HSD17B6: variants seen among roughly 807,000 people sequenced by gnomAD.
HSD17B6 encodes the protein hydroxysteroid 17-beta dehydrogenase 6, also known as 17-beta-hydroxysteroid dehydrogenase type 6.
Under a neutral mutation model 26.4 loss-of-function variants are expected in HSD17B6, and 16 were observed. That is an observed-to-expected ratio of 0.61 (90% CI 0.41 to 0.92). HSD17B6 has a LOEUF of 0.92. Among genes scored for constraint, HSD17B6 ranks in the 40% least tolerant of loss-of-function variants. The probability of loss-of-function intolerance (pLI) is 0.00; values close to 1 mark genes in which losing one functional copy is unlikely to be tolerated. For synonymous variants in HSD17B6, 139 were observed against 153.0 expected, an observed-to-expected ratio of 0.91 and a Z score of 0.68; for missense variants, 357 against 386.1, an observed-to-expected ratio of 0.92 and a Z score of 0.63.
chr12:56,774,987 A>G (rs913792437), intron 2 of HSD17B6, among the ~76,000 whole-genome samples: 2 of 152,238 alleles, frequency 1.3e-5, no homozygotes, highest in African/African-American at 4.8e-5. Context: ...ATGACAAGGA[A>G]AAAAGTCTGT....
At chr12:56,773,232 G>T (rs566857828) in intron 1 of HSD17B6, among the ~76,000 whole-genome samples, 3 of 152,134 alleles carry the variant, frequency 2.0e-5, no homozygotes, top group Non-Finnish European at 4.4e-5. Flanking sequence ...CACTGCCATT[G>T]TGAGACAAAT....
intron 1 of HSD17B6, among the ~76,000 whole-genome samples, chr12:56,769,126 A>G (rs1954413126): frequency 2.2e-5 from 3 of 136,204 alleles, no homozygotes; most frequent in Admixed American, 7.9e-5. Context: ...TTTTTGAGGC[A>G]GAGTCTCACT....
chr12:56,778,327 A>C (rs1203351827), intron 2 of HSD17B6, among the ~76,000 whole-genome samples: 1 of 151,828 alleles, frequency 6.6e-6, no homozygotes. Context: ...TTGCTGTGTC[A>C]CCCAGGCTGG....
rs61937779 is a variant in HSD17B6, at chr12:56,778,614, C to G, written c.314-3360C>G. 6.3e-3 allele frequency among the ~76,000 whole-genome samples: 948 copies of G among 150,990 alleles called. 8 individuals carry two copies. Among genetic ancestry groups the G allele is most frequent in the Middle Eastern group, 0.014 (4 of 286 alleles). ...TTCTACTTTTCTTTCTAGTCCTTCT[C>G]TCAGTTTATAATGTTACTATCCCTT... On this transcript the variant is annotated intron_variant, in intron 2 of 4. Transcript: ENST00000322165.
At chr12:56,781,845 G>A in intron 2 of HSD17B6, 129 bp from the exon 3 acceptor site, 5 of 918,914 alleles carry the variant, frequency 5.4e-6, no homozygotes, top group Non-Finnish European at 8.4e-6. Flanking sequence ...TATATCATTT[G>A]GGCTGCAAAC....
chr12:56,772,703 AAAAAAAAAAAG>A (rs1954504282), intron 1 of HSD17B6, among the ~76,000 whole-genome samples: 1 of 122,692 alleles, frequency 8.2e-6, no homozygotes, highest in African/African-American at 3.9e-5. Context: ...GTCTCAAAAA[AAAAAAAAAAAG>A]AAAAAAAAAA....
intron 1 of HSD17B6, among the ~76,000 whole-genome samples, chr12:56,771,125 C>T (rs1954461709): frequency 6.6e-6 from 1 of 152,180 alleles, no homozygotes; most frequent in Admixed American, 6.6e-5. Context: ...AGTCTTTGCT[C>T]AGGCTCATGG....
intron 1 of HSD17B6, among the ~76,000 whole-genome samples, chr12:56,769,391 C>T (rs1437883604): frequency 1.3e-5 from 2 of 152,082 alleles, no homozygotes; most frequent in African/African-American, 2.4e-5. Flanking sequence ...CGTGAGCCAC[C>T]GTGCCTGGCC....
chr12:56,773,416 C>T (rs553049984), intron 1 of HSD17B6, among the ~76,000 whole-genome samples: 2 of 152,352 alleles, frequency 1.3e-5, no homozygotes, highest in East Asian at 3.9e-4. Flanking sequence ...GTATGTTCTG[C>T]TCTGCACTCA....
At chr12:56,775,713 A>C (rs1244980265) in intron 2 of HSD17B6, among the ~76,000 whole-genome samples, 1 of 152,060 alleles carries the variant, frequency 6.6e-6, no homozygotes, top group Non-Finnish European at 1.5e-5. Flanking sequence ...ACTAAAGTCC[A>C]TAGTTTACAT....
intron 1 of HSD17B6, among the ~76,000 whole-genome samples, chr12:56,768,080 C>A (rs138156836): frequency 4.1e-4 from 62 of 151,984 alleles, no homozygotes; most frequent in African/African-American, 9.9e-4. Context: ...CTGACTTTAT[C>A]CTGTGGGTGA....
chr12:56,782,714 G>A (rs1210444792), intron 3 of HSD17B6, among the ~76,000 whole-genome samples: 3 of 151,042 alleles, frequency 2.0e-5, no homozygotes, highest in African/African-American at 7.3e-5. Flanking sequence ...CGCAGAGGGG[G>A]ATTTGGCAGG....
chr12:56,775,016 C>G (rs945335453), intron 2 of HSD17B6, among the ~76,000 whole-genome samples: 3 of 152,100 alleles, frequency 2.0e-5, no homozygotes, highest in African/African-American at 7.2e-5. Flanking sequence ...AGTACAGATG[C>G]AAATTAAAAA....
chr12:56,785,906 T>C (rs1365095980), intron 4 of HSD17B6: 1 of 978,486 alleles, frequency 1.0e-6, no homozygotes, highest in Non-Finnish European at 1.2e-6. Flanking sequence ...GTTCAGGTGA[T>C]AGGAGCTTTG....
At chr12:56,769,457 T>C (rs1954422152) in intron 1 of HSD17B6, among the ~76,000 whole-genome samples, 1 of 152,104 alleles carries the variant, frequency 6.6e-6, no homozygotes, top group African/African-American at 2.4e-5. Flanking sequence ...AAGCCCAAGA[T>C]GGGGATCAGA....
chr12:56,787,399 C>G lies in HSD17B6; in HGVS notation c.*57C>G, dbSNP rs578022778. ...GGCAAAAATCTGAAATTGTTAGTGT[C>G]TCAGTAATCCTGATTTAGAACCCAG... is the stretch of plus-strand genomic sequence containing the variant. On this transcript the variant is annotated 3_prime_UTR_variant, in exon 5 of 5. Transcript: ENST00000322165. The G allele has an allele frequency of 8.9e-7, 1 of 1,120,092 alleles. No individual in the cohort carries two copies. Among genetic ancestry groups the G allele is most frequent in the African/African-American group, 1.6e-5 (1 of 64,342 alleles). 69.4% of individuals were successfully genotyped at this position (1,120,092 alleles called of 1,614,324 possible). A position where few individuals can be genotyped will look rare whatever the true frequency, so the allele number is the denominator to read the frequency against.
At chr12:56,786,697 C>T (rs1346989090) in intron 4 of HSD17B6, among the ~76,000 whole-genome samples, 2 of 152,014 alleles carry the variant, frequency 1.3e-5, no homozygotes, top group African/African-American at 4.8e-5. Context: ...AAAAAATAAA[C>T]AAAATTAGCT....
At chr12:56,783,729 C>T (rs1349561405) in intron 3 of HSD17B6, among the ~76,000 whole-genome samples, 21 of 147,950 alleles carry the variant, frequency 1.4e-4, no homozygotes, top group African/African-American at 4.3e-4. Context: ...GACGGCTGGC[C>T]GGGCAGAGGG....
At chr12:56,769,818 G>A (rs1436790507) in intron 1 of HSD17B6, among the ~76,000 whole-genome samples, 1 of 152,174 alleles carries the variant, frequency 6.6e-6, no homozygotes, top group Non-Finnish European at 1.5e-5. Context: ...TGAAATATTC[G>A]AGGCACATTC....
Sources: allele counts gnomAD v4.1 joint callset (sites outside exome capture counted in the v4.1 genomes callset), GRCh38; gene constraint gnomAD v4.1.1; transcripts MANE v1.5; gene names NCBI Gene and HGNC (gene_info 2026-07-23, HGNC 2026-07-21).